Variants in KCNQ1 observed in about 807,000 individuals in gnomAD.
The protein encoded by KCNQ1 is potassium voltage-gated channel subfamily KQT member 1.
Under a neutral mutation model 72.4 loss-of-function variants are expected in KCNQ1, and 49 were observed. The observed-to-expected ratio is 0.68, with a 90% confidence interval of 0.54 to 0.86. The LOEUF is 0.86. KCNQ1 is among the 40% of genes least tolerant of loss of function. The probability of loss-of-function intolerance (pLI) is 0.00; values close to 1 mark genes in which losing one functional copy is unlikely to be tolerated. For synonymous variants in KCNQ1, 450 were observed against 412.6 expected (o/e 1.09, Z -1.10); for missense variants, 790 against 945.1 (o/e 0.84, Z 2.15).
At chr11:2,833,726 C>G (rs1205964654) in intron 15 of KCNQ1, among the ~76,000 whole-genome samples, 2 of 152,258 alleles carry the variant, frequency 1.3e-5, no homozygotes, top group Non-Finnish European at 2.9e-5. Context: ...GTGCAGTCCA[C>G]TGGGCCCAGC....
intron 1 of KCNQ1, among the ~76,000 whole-genome samples, chr11:2,523,900 C>A (rs1847445642): frequency 6.6e-6 from 1 of 152,026 alleles, no homozygotes; most frequent in Non-Finnish European, 1.5e-5. Context: ...CAGCGCCTTC[C>A]GTGCAGGTCA....
rs929753793 is a variant in KCNQ1, at chr11:2,547,426, G to A, written c.477+19408G>A. On this transcript the variant is annotated intron_variant, in intron 2 of 15. Transcript: ENST00000155840. The surrounding 1 kb of genome is among the most constrained non-coding windows in gnomAD (Gnocchi z 4.2). ...TTTTTGTATTATTAGTAGAGACGGC[G>A]TTTCACCATTTTGGCCAGGCTGGTC... Among the ~76,000 whole-genome samples, 3 of 152,080 alleles carry A rather than the reference G, an allele frequency of 2.0e-5. No individual in the cohort carries two copies. Among genetic ancestry groups the A allele is most frequent in the Non-Finnish European group, 2.9e-5 (2 of 67,996 alleles).
rs1000762314 is a variant in KCNQ1, at chr11:2,550,604, G to A, written c.478-20024G>A. Reference sequence around the variant, plus strand: ...ATGCCAACACGTGAGCTGAGTGACCGGAAGAGGGGGCGCCTCCCTGAGCAG... The same window carrying A: ...ATGCCAACACGTGAGCTGAGTGACCAGAAGAGGGGGCGCCTCCCTGAGCAG... On this transcript the variant is annotated intron_variant, in intron 2 of 15. Coordinates refer to ENST00000155840, the MANE Select transcript of KCNQ1 (RefSeq NM_000218.3). This position sits in a 1 kb window ranked among gnomAD's most constrained non-coding sequence, Gnocchi z 6.0. 1.3e-5 allele frequency among the ~76,000 whole-genome samples: 2 copies of A among 152,192 alleles called. No homozygotes were observed. Among genetic ancestry groups the A allele is most frequent in the South Asian group, 4.1e-4 (2 of 4,824 alleles).
Position 2,471,043 on chromosome 11 carries a change from C to T in KCNQ1, c.386+25559C>T, listed in dbSNP as rs752035162. ...GTGTCGGTGGAGGCTCCCTTTCTGC[C>T]CGCGGGTTCCAGCACATTTGCTGGG... On this transcript the variant is annotated intron_variant, in intron 1 of 15. Transcript: ENST00000155840. The surrounding 1 kb of genome is among the most constrained non-coding windows in gnomAD (Gnocchi z 4.8). Among the ~76,000 whole-genome samples the T allele has an allele frequency of 1.4e-4, 22 of 152,030 alleles. No individual in the cohort carries two copies. The highest frequency in any genetic ancestry group is 2.5e-4 in the Non-Finnish European group (17 of 67,998).
intron 11 of KCNQ1, among the ~76,000 whole-genome samples, chr11:2,728,967 G>T (rs2133938402): frequency 6.6e-6 from 1 of 152,378 alleles, no homozygotes; most frequent in East Asian, 1.9e-4. Context: ...GTGATAAGGT[G>T]TTGATTGGTT....
chr11:2,627,674 A>G lies in KCNQ1; in HGVS notation c.1394-34287A>G, dbSNP rs556113397. The stretch of plus-strand genomic sequence containing the variant: ...AATATTTCATTGTGTGTGTGTATAT[A>G]TGTGTGTGTGTGTGTCTGTATGTAT... On this transcript the variant is annotated intron_variant, in intron 10 of 15. Transcript: ENST00000155840. The surrounding 1 kb of genome is among the most constrained non-coding windows in gnomAD (Gnocchi z 4.9). The G allele has an allele frequency of 2.1e-4, 83 of 397,864 alleles. No individual in the cohort carries two copies. Among genetic ancestry groups the G allele is most frequent in the African/African-American group, 1.3e-3 (62 of 48,608 alleles). The allele number at this position is 397,864 out of a possible 1,614,324, so 24.6% of individuals were successfully genotyped here.
intron 1 of KCNQ1, among the ~76,000 whole-genome samples, chr11:2,456,725 T>C (rs558884783): frequency 7.5e-6 from 1 of 133,786 alleles, no homozygotes; most frequent in African/African-American, 2.9e-5. Context: ...ATCGAGACCA[T>C]CCTGGCTAAC....
rs1589938694 is a variant in KCNQ1 at position 2,539,873 on chromosome 11, C to T, written c.477+11855C>T. 6.6e-5 allele frequency among the ~76,000 whole-genome samples: 10 copies of T among 152,322 alleles called. 1 individual carries two copies. Among genetic ancestry groups the T allele is most frequent in the South Asian group, 6.2e-4 (3 of 4,820 alleles). ...CCACGTTCGGTGGGGGTCTCTGGTG[C>T]AGGGGAGCCGGCGGGCCGGGTTGGG... On this transcript the variant is annotated intron_variant, in intron 2 of 15. Coordinates refer to ENST00000155840, the MANE Select transcript of KCNQ1 (RefSeq NM_000218.3).
rs1478082003 is a variant in KCNQ1, at chr11:2,818,040, A to C, written c.1795-29727A>C. On this transcript the variant is annotated intron_variant, in intron 15 of 15. Transcript: ENST00000155840. The surrounding 1 kb of genome is among the most constrained non-coding windows in gnomAD (Gnocchi z 7.2). ...TTAAAGAATATGCATTAACACCTAA[A>C]ACCCACTATCCTGGCAAAAAAGTGG... Among the ~76,000 whole-genome samples, 1 of 152,170 alleles carries C rather than the reference A, an allele frequency of 6.6e-6. No individual in the cohort carries two copies. The highest frequency in any genetic ancestry group is 1.5e-5 in the Non-Finnish European group (1 of 68,014).
chr11:2,655,964 C>T, intron 10 of KCNQ1: 2 of 398,722 alleles, frequency 5.0e-6, no homozygotes, highest in Non-Finnish European at 4.4e-6. Flanking sequence ...GCAGGTCCCA[C>T]CCACTCTGGG....
rs528606841 is a variant in KCNQ1, at chr11:2,609,040, ATATT to A, written c.1393+20191_1393+20194del. 2.0e-3 allele frequency: 803 copies of A among 397,784 alleles called. 6 individuals carry two copies. The highest frequency in any genetic ancestry group is 0.015 in the African/African-American group (733 of 48,528). The allele number at this position is 397,784 out of a possible 1,614,324, so 24.6% of individuals were successfully genotyped here. A position where few individuals can be genotyped will look rare whatever the true frequency, so the allele number is the denominator to read the frequency against. On this transcript the variant is annotated intron_variant, in intron 10 of 15. Coordinates refer to ENST00000155840, the MANE Select transcript of KCNQ1 (RefSeq NM_000218.3). ...TATTCTATATTTTATTTCTACTCTA[ATATT>A]TATTATTTTGTTTTTTCTACTTGCT...
Position 2,621,595 on chromosome 11 carries a change from CT to C in KCNQ1, c.1393+32742del. The stretch of plus-strand genomic sequence containing the variant: ...ATTGGTCTGTTCAGGCTTTCTATTC[CT>C]GATTTAATCTTAGCAGGTTGGTTTT... On this transcript the variant is annotated intron_variant, in intron 10 of 15. Transcript: ENST00000155840. The surrounding 1 kb of genome is among the most constrained non-coding windows in gnomAD (Gnocchi z 5.7). 2.5e-6 allele frequency: 1 copy of C among 398,352 alleles called. No individual in the cohort carries two copies. Among genetic ancestry groups the C allele is most frequent in the Non-Finnish European group, 4.4e-6 (1 of 226,004 alleles). The allele number at this position is 398,352 out of a possible 1,614,324, so 24.7% of individuals were successfully genotyped here. A position where few individuals can be genotyped will look rare whatever the true frequency, so the allele number is the denominator to read the frequency against.
At chr11:2,774,015 G>GC (rs973375095) in intron 12 of KCNQ1, among the ~76,000 whole-genome samples, 1 of 151,988 alleles carries the variant, frequency 6.6e-6, no homozygotes, top group African/African-American at 2.4e-5. Context: ...ACAGGGTTCA[G>GC]CATCCCATCT....
At chr11:2,739,740 C>T (rs577380484) in intron 11 of KCNQ1, among the ~76,000 whole-genome samples, 13 of 152,356 alleles carry the variant, frequency 8.5e-5, no homozygotes, top group Non-Finnish European at 1.6e-4. Context: ...CGAGGACTGC[C>T]GGCCCTGTCA....
At position 2,600,053 on chromosome 11, in the gene KCNQ1, G is replaced by A. The variant is rs1352234455; in HGVS notation, c.1393+11199G>A. 2.0e-5 allele frequency among the ~76,000 whole-genome samples: 3 copies of A among 152,106 alleles called. No individual in the cohort carries two copies. Among genetic ancestry groups the A allele is most frequent in the Admixed American group, 6.5e-5 (1 of 15,278 alleles). On this transcript the variant is annotated intron_variant, in intron 10 of 15. Coordinates refer to ENST00000155840, the MANE Select transcript of KCNQ1 (RefSeq NM_000218.3). This position sits in a 1 kb window ranked among gnomAD's most constrained non-coding sequence, Gnocchi z 5.6. The stretch of plus-strand genomic sequence containing the variant: ...TTCCTCTTTCCCGGCCGGCATTCCT[G>A]CCCACCAGTCCTGGCAGAGTGACTT...
rs376995658 is a variant in KCNQ1, at chr11:2,711,297, G to A, written c.1514+49216G>A. ...CCCATCTCCCTTGGAGTCTCTCCCC[G>A]ACTCCAGGGCTCATGGCCCCTTTCA... On this transcript the variant is annotated intron_variant, in intron 11 of 15. Transcript: ENST00000155840. This position sits in a 1 kb window ranked among gnomAD's most constrained non-coding sequence, Gnocchi z 5.4. Among the ~76,000 whole-genome samples the A allele has an allele frequency of 1.8e-4, 28 of 152,198 alleles. No homozygotes were observed. The East Asian group carries it at 3.5e-3, about 19-fold the overall frequency.
intron 11 of KCNQ1, chr11:2,688,372 A>G (rs1287776185): frequency 2.5e-6 from 1 of 398,658 alleles, no homozygotes; most frequent in Admixed American, 4.4e-5. Flanking sequence ...ACTTCCCCGT[A>G]GAGGTTTCAA....
At chr11:2,615,597 A>G (rs1849047740) in intron 10 of KCNQ1, 3 of 397,918 alleles carry the variant, frequency 7.5e-6, no homozygotes, top group Non-Finnish European at 1.3e-5. Context: ...GAAAGGTTGT[A>G]GAATTTTGTC....
chr11:2,635,082 C>G (rs1228293692), intron 10 of KCNQ1: 1 of 152,108 alleles, frequency 6.6e-6, no homozygotes, highest in Non-Finnish European at 1.5e-5. Context: ...TGGATATTAG[C>G]CTTTTATCAG....
Sources: allele counts gnomAD v4.1 joint callset (sites outside exome capture counted in the v4.1 genomes callset), GRCh38; gene constraint gnomAD v4.1.1; non-coding constraint Gnocchi (gnomAD v3.1); transcripts MANE v1.5; gene names NCBI Gene and HGNC (gene_info 2026-07-23, HGNC 2026-07-21).